The following SNX24 variants were observed in gnomAD, a reference collection of about 807,000 sequenced individuals.
The protein encoded by SNX24 is sorting nexin 24, also known as sorting nexin-24.
SNX24 carries 22 observed loss-of-function variants against 28.7 expected under a neutral mutation model. The ratio of observed to expected loss-of-function variants is 0.77; its 90% confidence interval spans 0.55 to 1.10. The LOEUF (loss-of-function observed/expected upper bound fraction) is 1.10, where lower values mean the gene tolerates loss of function less well. SNX24 is among the 50% of genes least tolerant of loss of function. The pLI, the probability that SNX24 is intolerant of heterozygous loss-of-function variation, is 0.00. For synonymous variants in SNX24, 69 were observed against 71.5 expected (o/e 0.96, Z 0.18); for missense variants, 221 against 201.1 (o/e 1.10, Z -0.60).
chr5:123,025,856 G>T, intron 5 of SNX24: 1 of 1,614,142 alleles, frequency 6.2e-7, no homozygotes, highest in Non-Finnish European at 8.5e-7. Context: ...AGGTGATAAA[G>T]AACTGAGAGC....
chr5:122,891,280 T>C (rs1055191271), intron 1 of SNX24, among the ~76,000 whole-genome samples: 3 of 152,176 alleles, frequency 2.0e-5, no homozygotes, highest in African/African-American at 7.2e-5. Context: ...AAAATACCGA[T>C]TGGCAGGTAA....
At chr5:122,909,971 C>T (rs553450975) in intron 1 of SNX24, among the ~76,000 whole-genome samples, 28 of 152,238 alleles carry the variant, frequency 1.8e-4, no homozygotes, top group East Asian at 5.8e-4. Flanking sequence ...ATGAGGAATG[C>T]AACTTTGAAG....
chr5:122,886,958 G>T (rs1218806028), intron 1 of SNX24, among the ~76,000 whole-genome samples: 2 of 151,918 alleles, frequency 1.3e-5, no homozygotes, highest in Non-Finnish European at 2.9e-5. Flanking sequence ...TTTTTGTTCA[G>T]CTTTTTTAAT....
chr5:122,960,590 T>G (rs1462475030), intron 3 of SNX24, among the ~76,000 whole-genome samples: 3 of 152,232 alleles, frequency 2.0e-5, no homozygotes, highest in African/African-American at 7.2e-5. Flanking sequence ...GTTAATATTC[T>G]TTTAGGGAGC....
intron 5 of SNX24, among the ~76,000 whole-genome samples, chr5:123,015,593 C>T (rs1762665634): frequency 6.6e-6 from 1 of 152,140 alleles, no homozygotes; most frequent in African/African-American, 2.4e-5. Flanking sequence ...GAACTCTGTA[C>T]AACTTTTCAG....
At chr5:122,899,600 G>A (rs1241686994) in intron 1 of SNX24, among the ~76,000 whole-genome samples, 2 of 152,070 alleles carry the variant, frequency 1.3e-5, no homozygotes, top group Non-Finnish European at 2.9e-5. Context: ...GTAGAGATGG[G>A]GTTTTGCCAT....
rs533145860 is a variant in SNX24, at chr5:122,936,533, A to G, written c.61-201A>G. Among the ~76,000 whole-genome samples, 14 of 152,056 alleles carry G rather than the reference A, an allele frequency of 9.2e-5. No individual in the cohort carries two copies. In the South Asian group the frequency reaches 2.9e-3, roughly 32 times the overall value. On this transcript the variant is annotated intron_variant, in intron 1 of 6. Coordinates refer to ENST00000261369, the MANE Select transcript of SNX24 (RefSeq NM_014035.4). ...TTGTTTTTAGACAGGTTTTTGGAGG[A>G]TGTCACACTTTGTTAGTGAGCCTTT...
At chr5:122,864,301 G>T (rs986755650) in intron 1 of SNX24, among the ~76,000 whole-genome samples, 1 of 152,122 alleles carries the variant, frequency 6.6e-6, no homozygotes, top group African/African-American at 2.4e-5. Flanking sequence ...ATCCACTGAT[G>T]GATTAGATTT....
chr5:122,908,606 A>G (rs1757749321), intron 1 of SNX24, among the ~76,000 whole-genome samples: 1 of 152,248 alleles, frequency 6.6e-6, no homozygotes, highest in African/African-American at 2.4e-5. Flanking sequence ...GGCTAAGAAC[A>G]ATTAAGGCAG....
intron 5 of SNX24, among the ~76,000 whole-genome samples, chr5:123,026,376 G>T (rs1404575789): frequency 6.6e-6 from 1 of 152,130 alleles, no homozygotes; most frequent in African/African-American, 2.4e-5. Context: ...GCTCAGGACA[G>T]TCCTGTGACT....
chr5:122,952,563 C>A (rs1371258814), intron 3 of SNX24, among the ~76,000 whole-genome samples: 2 of 152,104 alleles, frequency 1.3e-5, no homozygotes, highest in African/African-American at 4.8e-5. Flanking sequence ...CCAAGCCACC[C>A]GGGCTACTTT....
intron 1 of SNX24, among the ~76,000 whole-genome samples, chr5:122,860,388 ATGTGTG>A (rs1433052670): frequency 6.6e-6 from 1 of 152,252 alleles, no homozygotes; most frequent in East Asian, 1.9e-4. Flanking sequence ...GATGTGCTTT[ATGTGTG>A]TAAGTTCCCC....
At chr5:122,916,923 T>C (rs900795562) in intron 1 of SNX24, among the ~76,000 whole-genome samples, 1 of 152,188 alleles carries the variant, frequency 6.6e-6, no homozygotes, top group African/African-American at 2.4e-5. Flanking sequence ...AATTCTGTTA[T>C]TGAGATCTAG....
intron 1 of SNX24, among the ~76,000 whole-genome samples, chr5:122,857,735 TTC>T (rs1755266768): frequency 1.3e-5 from 2 of 152,212 alleles, no homozygotes; most frequent in African/African-American, 4.8e-5. Context: ...GCAAAGGACA[TTC>T]TCTCATTCTT....
At chr5:123,013,989 A>C (rs1248831903), downstream of SNX24, among the ~76,000 whole-genome samples, 1 of 152,232 alleles carries the variant, frequency 6.6e-6, no homozygotes, top group Non-Finnish European at 1.5e-5. Flanking sequence ...GCACTGGGCT[A>C]AATCATGTTA....
intron 1 of SNX24, among the ~76,000 whole-genome samples, chr5:122,891,697 T>G (rs1294421303): frequency 3.3e-5 from 5 of 152,238 alleles, no homozygotes; most frequent in African/African-American, 1.2e-4. Flanking sequence ...AAAATTACAT[T>G]GACTCTGGTC....
chr5:123,028,837 T>G (rs1285385475), intron 5 of SNX24: 6 of 1,613,392 alleles, frequency 3.7e-6, no homozygotes, highest in Non-Finnish European at 5.1e-6. Flanking sequence ...GATGACACGA[T>G]GAAACTTGCT....
intron 4 of SNX24, 146 bp downstream of exon 4, chr5:123,000,152 G>A (rs1762196890): frequency 1.6e-6 from 1 of 630,942 alleles, no homozygotes; most frequent in Non-Finnish European, 2.8e-6. Context: ...CTCGCCCCCT[G>A]CTTTTGGTTA....
rs1160887568 is a variant in SNX24 at position 122,953,094 on chromosome 5, T to C, written c.249+6935T>C. ...CCTTTCTTCCTTTTTTCCTTCCCTT[T>C]CCTTTCCTTTCCTTTCTTTTTTTTT... On this transcript the variant is annotated intron_variant, in intron 3 of 6. Transcript: ENST00000261369. Among the ~76,000 whole-genome samples, 466 of 151,748 alleles carry C rather than the reference T, an allele frequency of 3.1e-3. 3 individuals carry two copies. The highest frequency in any genetic ancestry group is 0.01 in the African/African-American group (416 of 41,246).
Sources: allele counts gnomAD v4.1 joint callset (sites outside exome capture counted in the v4.1 genomes callset), GRCh38; gene constraint gnomAD v4.1.1; transcripts MANE v1.5; gene names NCBI Gene and HGNC (gene_info 2026-07-23, HGNC 2026-07-21).